The following TAX1BP1 variants were observed in gnomAD, a reference collection of about 807,000 sequenced individuals.
TAX1BP1 encodes the protein Tax1 binding protein 1.
Under a neutral mutation model 97.7 loss-of-function variants are expected in TAX1BP1, and 62 were observed. The observed-to-expected ratio is 0.63, with a 90% confidence interval of 0.52 to 0.78. The LOEUF is 0.78. Ranked by LOEUF, TAX1BP1 falls within the 30% of genes least tolerant of loss-of-function variation. The pLI is 0.00. For synonymous variants in TAX1BP1, 340 were observed against 304.2 expected (o/e 1.12, Z -1.23); for missense variants, 867 against 916.1 (o/e 0.95, Z 0.69).
At chr7:27,809,705 G>C (rs1392235270) in intron 13 of TAX1BP1, among the ~76,000 whole-genome samples, 2 of 152,042 alleles carry the variant, frequency 1.3e-5, no homozygotes, top group African/African-American at 2.4e-5. Flanking sequence ...TTTGATGGTA[G>C]AGTAGGCATA....
At chr7:27,751,091 T>G (rs1001748988) in intron 2 of TAX1BP1, among the ~76,000 whole-genome samples, 1 of 152,226 alleles carries the variant, frequency 6.6e-6, no homozygotes, top group African/African-American at 2.4e-5. Context: ...CCAGCTTCAG[T>G]TTTGGTCATT....
chr7:27,819,032 T>G (rs1790879122), intron 15 of TAX1BP1, among the ~76,000 whole-genome samples: 1 of 152,170 alleles, frequency 6.6e-6, no homozygotes, highest in Non-Finnish European at 1.5e-5. Flanking sequence ...TCACTTAATG[T>G]CATATATAAT....
At chr7:27,797,004 AT>A (rs200518234) in intron 12 of TAX1BP1, among the ~76,000 whole-genome samples, 20,605 of 147,818 alleles carry the variant, frequency 0.14, 1,603 homozygotes, top group African/African-American at 0.22. Flanking sequence ...ATTTTATTTT[AT>A]TTTTTTTTTT....
intron 15 of TAX1BP1, among the ~76,000 whole-genome samples, chr7:27,825,869 A>G (rs1276917053): frequency 6.6e-6 from 1 of 152,130 alleles, no homozygotes; most frequent in Non-Finnish European, 1.5e-5. Flanking sequence ...TATTTTAAAT[A>G]TTTGTCGTTA....
intron 13 of TAX1BP1, chr7:27,803,067 A>T (rs1292301174): frequency 1.3e-6 from 2 of 1,524,602 alleles, no homozygotes; most frequent in African/African-American, 2.8e-5. Flanking sequence ...AGGAGGGAGT[A>T]GGTAAATGAA....
Position 27,828,929 on chromosome 7 carries a change from A to G in TAX1BP1, c.*100A>G. The G allele has an allele frequency of 1.0e-6, 1 of 952,664 alleles. No homozygotes were observed. The highest frequency in any genetic ancestry group is 1.5e-6 in the Non-Finnish European group (1 of 652,816). 59.0% of individuals were successfully genotyped at this position (952,664 alleles called of 1,614,324 possible). On this transcript the variant is annotated 3_prime_UTR_variant, in exon 17 of 17. Transcript: ENST00000396319. Reference sequence around the variant, plus strand: ...AGGAGACCATAGAGCGGATGCTTTCATGCACCCTTTACTGCACTTTCTGAC... The same window carrying G: ...AGGAGACCATAGAGCGGATGCTTTCGTGCACCCTTTACTGCACTTTCTGAC...
chr7:27,754,381 A>G (rs1788131956), intron 2 of TAX1BP1, among the ~76,000 whole-genome samples: 1 of 147,902 alleles, frequency 6.8e-6, no homozygotes, highest in South Asian at 2.1e-4. Context: ...AATTACAATT[A>G]TAATATATAT....
intron 11 of TAX1BP1, 68 bp downstream of exon 11, chr7:27,794,514 A>G: frequency 7.1e-7 from 1 of 1,409,210 alleles, no homozygotes; most frequent in Non-Finnish European, 9.4e-7. Flanking sequence ...GCCTTCTTCC[A>G]TGTGTTAGAA....
At chr7:27,782,729 ATTGT>A (rs1240874322) in intron 5 of TAX1BP1, among the ~76,000 whole-genome samples, 1 of 152,150 alleles carries the variant, frequency 6.6e-6, no homozygotes, top group Non-Finnish European at 1.5e-5. Flanking sequence ...TTCATAAATA[ATTGT>A]TTTGTCAATA....
intron 15 of TAX1BP1, among the ~76,000 whole-genome samples, chr7:27,818,142 C>T (rs1465508288): frequency 6.6e-6 from 1 of 152,044 alleles, no homozygotes; most frequent in Non-Finnish European, 1.5e-5. Context: ...TGTGACAAGC[C>T]CTTCTCTTCC....
chr7:27,815,426 C>T (rs745954595), intron 13 of TAX1BP1, among the ~76,000 whole-genome samples: 30 of 152,118 alleles, frequency 2.0e-4, no homozygotes, highest in Non-Finnish European at 4.1e-4. Context: ...AGGTAAATTA[C>T]ATTTATTGAT....
At chr7:27,741,749 G>C (rs1787613937) in intron 1 of TAX1BP1, among the ~76,000 whole-genome samples, 1 of 152,162 alleles carries the variant, frequency 6.6e-6, no homozygotes, top group South Asian at 2.1e-4. Context: ...AAAGTACAGA[G>C]AAAGAAATAA....
intron 3 of TAX1BP1, among the ~76,000 whole-genome samples, chr7:27,764,573 A>T (rs1361943918): frequency 6.6e-6 from 1 of 152,174 alleles, no homozygotes; most frequent in African/African-American, 2.4e-5. Context: ...ACTGTAAATA[A>T]AGTTATTATT....
Position 27,742,717 on chromosome 7 carries a change from C to T in TAX1BP1, c.-8+2448C>T, listed in dbSNP as rs113531761. Among the ~76,000 whole-genome samples the T allele has an allele frequency of 1.1e-4, 17 of 152,160 alleles. 1 individual carries two copies. Among genetic ancestry groups the T allele is most frequent in the African/African-American group, 3.6e-4 (15 of 41,436 alleles). ...TCCTGACCTCTTGATCCGCCTGCCT[C>T]GGCCTTCCAAAGTGCTGGGATTACA... On this transcript the variant is annotated intron_variant, in intron 1 of 16. Coordinates refer to ENST00000396319, the MANE Select transcript of TAX1BP1 (RefSeq NM_006024.7).
chr7:27,781,618 G>A (rs1789262013), intron 5 of TAX1BP1, among the ~76,000 whole-genome samples: 1 of 152,174 alleles, frequency 6.6e-6, no homozygotes, highest in African/African-American at 2.4e-5. Context: ...TATTCAGGGA[G>A]TGAGTAGTGA....
intron 9 of TAX1BP1, 38 bp downstream of exon 9, chr7:27,792,268 A>G: frequency 6.6e-7 from 1 of 1,516,180 alleles, no homozygotes; most frequent in Non-Finnish European, 9.0e-7. Context: ...TTTTGATTTA[A>G]GAAACCACTA....
At chr7:27,797,387 A>G (rs1221311134) in intron 12 of TAX1BP1, among the ~76,000 whole-genome samples, 1 of 152,158 alleles carries the variant, frequency 6.6e-6, no homozygotes, top group Admixed American at 6.6e-5. Context: ...TTAAAGGAAA[A>G]GGGAAAATGC....
At chr7:27,796,471 T>C (rs1215047651) in intron 12 of TAX1BP1, among the ~76,000 whole-genome samples, 1 of 152,214 alleles carries the variant, frequency 6.6e-6, no homozygotes, top group Non-Finnish European at 1.5e-5. Context: ...GTTTGGGTAA[T>C]GGGCAAATAG....
intron 7 of TAX1BP1, among the ~76,000 whole-genome samples, chr7:27,785,968 T>TA (rs1789462234): frequency 6.6e-6 from 1 of 152,162 alleles, no homozygotes; most frequent in African/African-American, 2.4e-5. Context: ...ACAATTCATG[T>TA]AACTATTTTT....
Sources: gnomAD v4.1 joint callset for allele counts (sites outside exome capture counted in the v4.1 genomes callset) on GRCh38, gnomAD v4.1.1 for gene constraint, MANE v1.5 for transcripts, NCBI Gene and HGNC (gene_info 2026-07-23, HGNC 2026-07-21) for gene names.